Variants in REEP1 observed in about 807,000 individuals in gnomAD.
REEP1 encodes the protein receptor accessory protein 1.
A neutral mutation model predicts 40.3 loss-of-function variants in REEP1; 22 were observed. That is an observed-to-expected ratio of 0.55 (90% confidence interval 0.39 to 0.78). The LOEUF (loss-of-function observed/expected upper bound fraction) is 0.78, where lower values mean the gene tolerates loss of function less well. Ranked by LOEUF, REEP1 falls within the 30% of genes least tolerant of loss-of-function variation. The probability of loss-of-function intolerance (pLI) is 0.00; values close to 1 mark genes in which losing one functional copy is unlikely to be tolerated. For synonymous variants in REEP1, 116 were observed against 139.2 expected, an observed-to-expected ratio of 0.83 and a Z score of 1.17; for missense variants, 280 against 361.1, an observed-to-expected ratio of 0.78 and a Z score of 1.82.
chr2:86,282,303 G>T, intron 1 of REEP1, 61 bp from the exon 2 acceptor site: 2 of 1,296,484 alleles, frequency 1.5e-6, no homozygotes, highest in South Asian at 1.2e-5. Flanking sequence ...AATGGAAAAT[G>T]TCTGTCTTCA....
rs370485479 is a variant in REEP1, at chr2:86,224,502, AG to A, written c.631+2860del. ...TGCAGGGGCTTTCCCAAGGCCTCAG[AG>A]GGAATGGTGTAGGCCAATCATCAAA... On this transcript the variant is annotated intron_variant, in intron 7 of 8. Coordinates refer to ENST00000538924, the MANE Select transcript of REEP1 (RefSeq NM_001371279.1). Among the ~76,000 whole-genome samples the A allele has an allele frequency of 2.0e-3, 306 of 152,348 alleles. 11 individuals carry two copies. In the South Asian group the frequency reaches 0.062, roughly 31 times the overall value.
Position 86,232,630 on chromosome 2 carries a change from C to A in REEP1, c.590G>T (p.Ser197Ile). 2 of 1,612,818 alleles carry A rather than the reference C, an allele frequency of 1.2e-6. No homozygotes were observed. The highest frequency in any genetic ancestry group is 1.7e-6 in the Non-Finnish European group (2 of 1,179,982). The change falls in exon 6 of 9, where the codon AGC becomes ATC. Residue 197 changes from serine to isoleucine, a missense_variant. By Grantham distance (142) the Ser-to-Ile change is moderately radical. Around this residue, in one of 3 missense-constraint regions of REEP1, gnomAD observed 201 missense variants for 238.5 expected, o/e 0.84. Transcript: ENST00000538924. ...MSRSASESAS[S>I]SVCTCCSTCR... Reference sequence around the variant, plus strand: ...GGAAGTAAAGTGACACCTACCTGAGCTGCTAGCGCTCTCAGAAGCACTCCT... The same window carrying A: ...GGAAGTAAAGTGACACCTACCTGAGATGCTAGCGCTCTCAGAAGCACTCCT...
intron 1 of REEP1, among the ~76,000 whole-genome samples, chr2:86,336,414 G>C (rs1266820459): frequency 6.6e-6 from 1 of 152,102 alleles, no homozygotes; most frequent in South Asian, 2.1e-4. Flanking sequence ...GGGGAGTGAT[G>C]GTGCACAATC....
At chr2:86,226,011 G>A (rs1330163671) in intron 7 of REEP1, among the ~76,000 whole-genome samples, 3 of 151,916 alleles carry the variant, frequency 2.0e-5, no homozygotes, top group Non-Finnish European at 4.4e-5. Context: ...GGCAGCAACA[G>A]GAGTCTCTGT....
intron 1 of REEP1, among the ~76,000 whole-genome samples, chr2:86,285,140 G>T (rs1347553483): frequency 3.3e-5 from 5 of 152,144 alleles, no homozygotes. Flanking sequence ...TCAGCCTTGG[G>T]TTCACAGAGC....
intron 1 of REEP1, among the ~76,000 whole-genome samples, chr2:86,336,034 C>T (rs773861489): frequency 1.3e-5 from 2 of 152,156 alleles, no homozygotes; most frequent in Non-Finnish European, 2.9e-5. Context: ...TCCAGCCCCA[C>T]CCTGAGGGCT....
At position 86,245,116 on chromosome 2, in the gene REEP1, C is replaced by T. The variant is rs576742694; in HGVS notation, c.417+6841G>A. On this transcript the variant is annotated intron_variant, in intron 5 of 8. Coordinates refer to ENST00000538924, the MANE Select transcript of REEP1 (RefSeq NM_001371279.1). ...GAGCTGAGATTGTGCCACTGCACTC[C>T]AGCCTGGGCAAGAGTGAGACACCGT... Among the ~76,000 whole-genome samples, 3 of 152,086 alleles carry T rather than the reference C, an allele frequency of 2.0e-5. No individual in the cohort carries two copies. In the South Asian group the frequency reaches 6.2e-4, roughly 32 times the overall value.
intron 7 of REEP1, 65 bp downstream of exon 7, chr2:86,227,298 C>A (rs1388683637): frequency 8.2e-7 from 1 of 1,222,034 alleles, no homozygotes; most frequent in Non-Finnish European, 1.0e-6. Flanking sequence ...GGTGCCCACT[C>A]CTGGTTAGAA....
chr2:86,295,760 C>T (rs950709004), intron 1 of REEP1, among the ~76,000 whole-genome samples: 3 of 152,290 alleles, frequency 2.0e-5, no homozygotes, highest in East Asian at 1.9e-4. Flanking sequence ...AGGATGGTCT[C>T]GATCTCCTGA....
intron 1 of REEP1, among the ~76,000 whole-genome samples, chr2:86,304,748 A>G (rs1679407520): frequency 6.6e-6 from 1 of 152,150 alleles, no homozygotes; most frequent in Non-Finnish European, 1.5e-5. Flanking sequence ...GGCACCCACC[A>G]CAGGACTCTG....
chr2:86,304,235 C>A (rs1442418961), intron 1 of REEP1, among the ~76,000 whole-genome samples: 1 of 152,158 alleles, frequency 6.6e-6, no homozygotes, highest in Non-Finnish European at 1.5e-5. Flanking sequence ...GGAACAATTT[C>A]TGTAAAACCA....
chr2:86,228,558 A>C (rs1329423944), intron 6 of REEP1, among the ~76,000 whole-genome samples: 1 of 151,808 alleles, frequency 6.6e-6, no homozygotes, highest in African/African-American at 2.4e-5. Flanking sequence ...TCCCGGGTTC[A>C]AGCAATTCTC....
intron 5 of REEP1, among the ~76,000 whole-genome samples, chr2:86,235,425 C>T (rs945223801): frequency 6.6e-6 from 1 of 152,184 alleles, no homozygotes; most frequent in East Asian, 1.9e-4. Context: ...CATCACATAG[C>T]CCATTGCATA....
chr2:86,255,039 TG>T (rs1676479439), intron 3 of REEP1: 1 of 471,536 alleles, frequency 2.1e-6, no homozygotes, highest in Non-Finnish European at 3.8e-6. Context: ...TTTCTTTTGT[TG>T]CCAAAGCAAA....
chr2:86,218,763 G>A (rs994939730), intron 8 of REEP1, among the ~76,000 whole-genome samples: 9 of 152,216 alleles, frequency 5.9e-5, no homozygotes, highest in Non-Finnish European at 1.3e-4. Context: ...CTTTAAAAGG[G>A]ATGCATGTGT....
intron 5 of REEP1, among the ~76,000 whole-genome samples, chr2:86,238,153 C>G (rs1169497740): frequency 6.6e-6 from 1 of 152,138 alleles, no homozygotes; most frequent in Non-Finnish European, 1.5e-5. Flanking sequence ...TGCACTCCAG[C>G]CTGGACAACA....
intron 1 of REEP1, 31 bp from the exon 2 acceptor site, chr2:86,282,273 AT>A: frequency 6.8e-7 from 1 of 1,462,548 alleles, no homozygotes; most frequent in African/African-American, 1.4e-5. Flanking sequence ...AATAAATACG[AT>A]TTTTCATTTA....
intron 1 of REEP1, among the ~76,000 whole-genome samples, chr2:86,330,848 G>A (rs1316115686): frequency 6.6e-6 from 1 of 152,190 alleles, no homozygotes; most frequent in African/African-American, 2.4e-5. Context: ...ACAGTAACAG[G>A]CAGCAGAAAG....
chr2:86,226,851 T>C (rs574015233), intron 7 of REEP1, among the ~76,000 whole-genome samples: 1 of 152,194 alleles, frequency 6.6e-6, no homozygotes, highest in South Asian at 2.1e-4. Flanking sequence ...CTCCTCCCCT[T>C]GAATGTGGGC....
Sources: gnomAD v4.1 joint callset for allele counts (sites outside exome capture counted in the v4.1 genomes callset) on GRCh38, gnomAD v4.1.1 for gene constraint, gnomAD v4.1.1 regional missense constraint, MANE v1.5 for transcripts, NCBI Gene and HGNC (gene_info 2026-07-23, HGNC 2026-07-21) for gene names.